Variants in GPHN observed in about 807,000 individuals in gnomAD.
GPHN encodes the protein gephyrin.
GPHN carries 17 observed loss-of-function variants against 95.5 expected under a neutral mutation model. That is an observed-to-expected ratio of 0.18 (90% CI 0.12 to 0.27). GPHN has a LOEUF of 0.27. Among genes scored for constraint, GPHN ranks in the 10% least tolerant of loss-of-function variants. The probability of loss-of-function intolerance (pLI) is 1.00; values close to 1 mark genes in which losing one functional copy is unlikely to be tolerated. For synonymous variants in GPHN, 320 were observed against 322.5 expected (o/e 0.99, Z 0.08); for missense variants, 660 against 978.1 (o/e 0.67, Z 4.34).
chr14:67,166,563 A>G (rs1175471651), intron 20 of GPHN, among the ~76,000 whole-genome samples: 9 of 152,166 alleles, frequency 5.9e-5, no homozygotes, highest in Non-Finnish European at 1.3e-4. Flanking sequence ...AGAAACTCAC[A>G]TGTTCAGATT....
intron 17 of GPHN, among the ~76,000 whole-genome samples, chr14:67,123,992 C>CTCT (rs1331448417): frequency 6.6e-6 from 1 of 151,796 alleles, no homozygotes; most frequent in East Asian, 1.9e-4. Flanking sequence ...TTTTGAAGTT[C>CTCT]TCTTCTTTCC....
intron 21 of GPHN, among the ~76,000 whole-genome samples, chr14:67,177,459 C>T (rs896742778): frequency 6.6e-6 from 1 of 152,118 alleles, no homozygotes; most frequent in East Asian, 1.9e-4. Flanking sequence ...GTTGTGATTT[C>T]TGTTCTTTTG....
chr14:66,939,992 T>C (rs969197852), intron 8 of GPHN, among the ~76,000 whole-genome samples: 2 of 152,136 alleles, frequency 1.3e-5, no homozygotes, highest in African/African-American at 4.8e-5. Flanking sequence ...CTCGTGTCCT[T>C]TGACCAGTCT....
chr14:67,473,375 C>T, the GPHN span: 1 of 1,593,562 alleles, frequency 6.3e-7, no homozygotes, highest in South Asian at 1.1e-5. This position sits in a 1 kb window ranked among gnomAD's most constrained non-coding sequence, Gnocchi z 6.5. Context: ...TCTCTTTGTC[C>T]ATGAGTTCCA....
At chr14:66,570,127 T>A (rs72724592) in intron 1 of GPHN, among the ~76,000 whole-genome samples, 13,923 of 147,722 alleles carry the variant, frequency 0.094, 705 homozygotes, top group African/African-American at 0.12. Context: ...ATATATATAT[T>A]TTTTTTAAGG....
intron 1 of GPHN, among the ~76,000 whole-genome samples, chr14:66,575,915 G>C (rs1042879182): frequency 5.3e-5 from 8 of 152,152 alleles, no homozygotes; most frequent in African/African-American, 1.9e-4. Context: ...CACTGGGGCA[G>C]GCCTGGAACT....
At chr14:66,779,116 A>ATC (rs2059510748) in intron 3 of GPHN, among the ~76,000 whole-genome samples, 1 of 152,130 alleles carries the variant, frequency 6.6e-6, no homozygotes, top group South Asian at 2.1e-4. Flanking sequence ...AAGCCCATTG[A>ATC]TCTATTATAT....
intron 2 of GPHN, among the ~76,000 whole-genome samples, chr14:66,731,300 G>T (rs912245948): frequency 6.6e-5 from 10 of 152,206 alleles, no homozygotes; most frequent in African/African-American, 2.4e-4. Flanking sequence ...AACAGGCAGG[G>T]ATTGGAATAG....
At chr14:67,283,912 C>G in the GPHN span, among the ~76,000 whole-genome samples, 1 of 152,236 alleles carries the variant, frequency 6.6e-6, no homozygotes, top group East Asian at 1.9e-4. Context: ...CGTTGTCTTA[C>G]GGCACATTCA....
At chr14:66,548,080 G>A (rs181242997) in intron 1 of GPHN, among the ~76,000 whole-genome samples, 1 of 150,556 alleles carries the variant, frequency 6.6e-6, no homozygotes. Flanking sequence ...TCGTGTTTCT[G>A]TGTCATGTTT....
At chr14:67,713,737 G>A in the GPHN span, among the ~76,000 whole-genome samples, 13 of 152,332 alleles carry the variant, frequency 8.5e-5, no homozygotes, top group African/African-American at 2.6e-4. Flanking sequence ...CTGACGACAT[G>A]TGTCCAGGAT....
intron 2 of GPHN, among the ~76,000 whole-genome samples, chr14:66,730,317 G>A (rs1440204152): frequency 3.3e-5 from 5 of 152,116 alleles, no homozygotes; most frequent in Non-Finnish European, 7.4e-5. Flanking sequence ...TTGAAAATCA[G>A]GCTCACCTAT....
rs184726894 is a variant in GPHN at position 67,128,877 on chromosome 14, C to T, written c.1748+6500C>T. Among the ~76,000 whole-genome samples, 991 of 150,218 alleles carry T rather than the reference C, an allele frequency of 6.6e-3. 13 individuals carry two copies. The highest frequency in any genetic ancestry group is 0.023 in the African/African-American group (940 of 40,820). On this transcript the variant is annotated intron_variant, in intron 17 of 22. Coordinates refer to ENST00000478722, the MANE Select transcript of GPHN (RefSeq NM_020806.5). The stretch of plus-strand genomic sequence containing the variant: ...TTGCCCACACTGGAGTGCAATGGTG[C>T]GATCTCAGCTCACTGAAACTTCTAC...
chr14:67,446,997 G>C, the GPHN span: 2 of 152,144 alleles, frequency 1.3e-5, no homozygotes, highest in Admixed American at 6.6e-5. Context: ...TTTACTGCCT[G>C]GCTGGCCCCT....
At chr14:67,144,169 C>T (rs1193223181) in intron 18 of GPHN, among the ~76,000 whole-genome samples, 1 of 144,044 alleles carries the variant, frequency 6.9e-6, no homozygotes, top group Non-Finnish European at 1.5e-5. Context: ...CCTGGGTGGT[C>T]AAGGCTGCAG....
intron 10 of GPHN, among the ~76,000 whole-genome samples, chr14:67,031,127 G>A (rs948761925): frequency 2.0e-5 from 3 of 151,838 alleles, no homozygotes; most frequent in Non-Finnish European, 2.9e-5. Flanking sequence ...CCAGGTTCTC[G>A]ACTTATTACT....
At chr14:66,822,087 G>A (rs547030364) in intron 3 of GPHN, among the ~76,000 whole-genome samples, 128 of 152,190 alleles carry the variant, frequency 8.4e-4, no homozygotes, top group Non-Finnish European at 1.6e-3. Flanking sequence ...GAGTAGCTGG[G>A]ATTAGAGGCA....
chr14:66,717,907 T>C (rs929704625), intron 2 of GPHN, among the ~76,000 whole-genome samples: 1 of 152,170 alleles, frequency 6.6e-6, no homozygotes, highest in Non-Finnish European at 1.5e-5. Flanking sequence ...CCAGTGGAGA[T>C]GACAAGGGGG....
intron 9 of GPHN, 71 bp from the exon 10 acceptor site, chr14:67,023,562 C>T (rs763778504): frequency 1.0e-5 from 12 of 1,160,204 alleles, no homozygotes; most frequent in Admixed American, 5.1e-5. Flanking sequence ...CAGGAGCTTG[C>T]CCATTAAATA....
Sources: allele counts gnomAD v4.1 joint callset (sites outside exome capture counted in the v4.1 genomes callset), GRCh38; gene constraint gnomAD v4.1.1; non-coding constraint Gnocchi (gnomAD v3.1); transcripts MANE v1.5; gene names NCBI Gene and HGNC (gene_info 2026-07-23, HGNC 2026-07-21).